GNAQ: variants seen among roughly 807,000 people sequenced by gnomAD.
GNAQ encodes G protein subunit alpha q.
In GNAQ, 8 loss-of-function variants were observed where a neutral mutation model predicts 43.9. The ratio of observed to expected loss-of-function variants is 0.18; its 90% CI spans 0.11 to 0.33. The LOEUF (loss-of-function observed/expected upper bound fraction) is 0.33, where lower values mean the gene tolerates loss of function less well. Ranked by LOEUF, GNAQ falls within the 10% of genes least tolerant of loss-of-function variation. The pLI, the probability that GNAQ is intolerant of heterozygous loss-of-function variation, is 1.00. For missense variants in GNAQ, 158 were observed against 450.8 expected (o/e 0.35, Z 5.88); for synonymous variants, 155 against 170.7 (o/e 0.91, Z 0.71).
chr9:77,754,717 C>G (rs148463477), intron 5 of GNAQ, among the ~76,000 whole-genome samples: 85 of 152,238 alleles, frequency 5.6e-4, no homozygotes, highest in Non-Finnish European at 1.0e-3. Context: ...CTTAAGAGAC[C>G]CAGACAGACA....
At chr9:77,971,663 C>T (rs1343457703) in intron 1 of GNAQ, among the ~76,000 whole-genome samples, 4 of 152,134 alleles carry the variant, frequency 2.6e-5, no homozygotes, top group East Asian at 1.9e-4. Flanking sequence ...ACAGACACAC[C>T]GCCAATATCA....
chr9:77,816,495 A>G (rs1325221082), intron 2 of GNAQ, among the ~76,000 whole-genome samples: 3 of 152,206 alleles, frequency 2.0e-5, no homozygotes, highest in African/African-American at 7.2e-5. Flanking sequence ...TGTTTTAAAA[A>G]TAAGATTGCA....
chr9:77,950,942 T>C (rs1587427041), intron 1 of GNAQ, among the ~76,000 whole-genome samples: 1 of 152,218 alleles, frequency 6.6e-6, no homozygotes, highest in East Asian at 1.9e-4. Context: ...AAAAAGGTTA[T>C]AAAATAACTT....
At chr9:77,988,867 T>C (rs1460021078) in intron 1 of GNAQ, among the ~76,000 whole-genome samples, 1 of 152,184 alleles carries the variant, frequency 6.6e-6, no homozygotes, top group Non-Finnish European at 1.5e-5. Flanking sequence ...TAAATACTCA[T>C]ATTTCATCAG....
At chr9:77,865,110 A>G (rs1827927039) in intron 2 of GNAQ, among the ~76,000 whole-genome samples, 2 of 152,058 alleles carry the variant, frequency 1.3e-5, no homozygotes, top group South Asian at 4.1e-4. Context: ...ATGACTCCAC[A>G]TTTGTCAGTA....
At chr9:77,749,195 A>T (rs1746047382) in intron 5 of GNAQ, among the ~76,000 whole-genome samples, 2 of 152,154 alleles carry the variant, frequency 1.3e-5, no homozygotes, top group African/African-American at 4.8e-5. Flanking sequence ...CCTGGCTGCC[A>T]TGGACCCATT....
intron 5 of GNAQ, among the ~76,000 whole-genome samples, chr9:77,769,705 C>T (rs1826191097): frequency 6.8e-6 from 1 of 146,208 alleles, no homozygotes; most frequent in Admixed American, 6.8e-5. Flanking sequence ...CGCTCTGTCA[C>T]CCAGGCTGGA....
rs1043989632 is a variant in GNAQ, at chr9:77,719,769, T to A, written c.*1554A>T. On this transcript the variant is annotated 3_prime_UTR_variant, in exon 7 of 7. Transcript: ENST00000286548. ...TTTGCATTTGTTGAAAAATTGCACA[T>A]ATAGAATTCCAAACATTTCTCCTGG... is the stretch of plus-strand genomic sequence containing the variant. The A allele has an allele frequency of 4.3e-6, 1 of 232,636 alleles. No homozygotes were observed. Among genetic ancestry groups the A allele is most frequent in the African/African-American group, 2.2e-5 (1 of 45,304 alleles). The allele number at this position is 232,636 out of a possible 1,614,324, so 14.4% of individuals were successfully genotyped here.
At chr9:77,871,040 G>A (rs183913000) in intron 2 of GNAQ, among the ~76,000 whole-genome samples, 1 of 152,166 alleles carries the variant, frequency 6.6e-6, no homozygotes, top group East Asian at 1.9e-4. Flanking sequence ...GTGGGTGCAT[G>A]GTTCATACAT....
intron 2 of GNAQ, among the ~76,000 whole-genome samples, chr9:77,893,306 T>G (rs1195389966): frequency 1.7e-4 from 26 of 152,164 alleles, no homozygotes; most frequent in Admixed American, 1.6e-3. Context: ...CTGGTCATCC[T>G]CATTGCTCAA....
chr9:77,891,324 C>T (rs907121003), intron 2 of GNAQ, among the ~76,000 whole-genome samples: 1 of 152,028 alleles, frequency 6.6e-6, no homozygotes, highest in African/African-American at 2.4e-5. Context: ...TTTCTCTGCA[C>T]GTTTAAATAG....
intron 5 of GNAQ, among the ~76,000 whole-genome samples, chr9:77,758,594 T>C (rs1386027922): frequency 6.6e-6 from 1 of 152,172 alleles, no homozygotes; most frequent in East Asian, 1.9e-4. Context: ...ATGTTTCCTA[T>C]TTTCTCCTGT....
intron 1 of GNAQ, among the ~76,000 whole-genome samples, chr9:77,989,184 C>G (rs17196487): frequency 3.9e-5 from 6 of 152,210 alleles, no homozygotes; most frequent in African/African-American, 1.4e-4. Context: ...TTGACAGACA[C>G]GTTTTATGAT....
At chr9:77,902,371 T>C (rs1325009441) in intron 2 of GNAQ, among the ~76,000 whole-genome samples, 1 of 152,234 alleles carries the variant, frequency 6.6e-6, no homozygotes, top group Non-Finnish European at 1.5e-5. Context: ...CTTTTCAGTA[T>C]GATTACTTTG....
chr9:77,922,362 A>G lies in GNAQ; in HGVS notation c.137-17T>C. 4 of 1,595,208 alleles carry G rather than the reference A, an allele frequency of 2.5e-6. No individual in the cohort carries two copies. The highest frequency in any genetic ancestry group is 3.4e-6 in the Non-Finnish European group (4 of 1,164,028). On this transcript the variant is annotated splice_polypyrimidine_tract_variant and intron_variant, in intron 1 of 6. Transcript: ENST00000286548. ...CTCCTGTCCCTGAAAGATGAACAAT[A>G]GCAGCTCATCAGACCACAGTGCCAT...
At chr9:77,888,409 G>C (rs187996901) in intron 2 of GNAQ, among the ~76,000 whole-genome samples, 154 of 152,192 alleles carry the variant, frequency 1.0e-3, no homozygotes, top group African/African-American at 3.6e-3. Flanking sequence ...TGTTCCCAGA[G>C]AAAACATCTA....
chr9:77,930,772 A>G (rs1829138307), intron 1 of GNAQ, among the ~76,000 whole-genome samples: 1 of 152,112 alleles, frequency 6.6e-6, no homozygotes, highest in Admixed American at 6.5e-5. Context: ...GTGCTGCTAA[A>G]TGGTGATCAA....
chr9:77,739,576 A>T (rs1825622859), intron 5 of GNAQ, among the ~76,000 whole-genome samples: 1 of 152,256 alleles, frequency 6.6e-6, no homozygotes, highest in South Asian at 2.1e-4. Context: ...CTAACTTAGA[A>T]AACAGTTCTA....
intron 2 of GNAQ, among the ~76,000 whole-genome samples, chr9:77,900,825 C>T (rs1271376252): frequency 2.0e-5 from 3 of 152,172 alleles, no homozygotes; most frequent in Non-Finnish European, 4.4e-5. Flanking sequence ...TTAAAAGCCG[C>T]CTTCTTCTCA....
Sources: gnomAD v4.1 joint callset for allele counts (sites outside exome capture counted in the v4.1 genomes callset) on GRCh38, gnomAD v4.1.1 for gene constraint, MANE v1.5 for transcripts, NCBI Gene and HGNC (gene_info 2026-07-23, HGNC 2026-07-21) for gene names.